Variants in GARNL3 observed in about 807,000 individuals in gnomAD.
GARNL3 encodes GTPase-activating Rap/Ran-GAP domain-like protein 3.
GARNL3 carries 63 observed loss-of-function variants against 125.0 expected under a neutral mutation model. The observed-to-expected ratio is 0.50, with a 90% CI of 0.41 to 0.62. The LOEUF is 0.62. Ranked by LOEUF, GARNL3 falls within the 20% of genes least tolerant of loss-of-function variation. The probability of loss-of-function intolerance (pLI) is 0.00; values close to 1 mark genes in which losing one functional copy is unlikely to be tolerated. For synonymous variants in GARNL3, 439 were observed against 457.5 expected (o/e 0.96, Z 0.52); for missense variants, 994 against 1,244.0 (o/e 0.80, Z 3.02).
intron 17 of GARNL3, 113 bp from the exon 18 acceptor site, chr9:127,353,733 T>G (rs961134904): frequency 1.3e-6 from 1 of 770,432 alleles, no homozygotes; most frequent in African/African-American, 1.7e-5. Context: ...GAAGCTGACT[T>G]CCTTCCTTGC....
rs777906521 is a variant in GARNL3 at position 127,392,912 on chromosome 9, C to A, written c.2871-171C>A. ...CACTCGGCCTTTAATCCTCAAAACCCCCTGAGGTGATGGGGGTGGCATTCC... is the reference window on the plus strand; with the variant it reads ...CACTCGGCCTTTAATCCTCAAAACCACCTGAGGTGATGGGGGTGGCATTCC... On this transcript the variant is annotated intron_variant, in intron 27 of 27. Transcript: ENST00000373387. The surrounding 1 kb of genome is among the most constrained non-coding windows in gnomAD (Gnocchi z 5.2). Among the ~76,000 whole-genome samples, 2 of 152,044 alleles carry A rather than the reference C, an allele frequency of 1.3e-5. No individual in the cohort carries two copies. The highest frequency in any genetic ancestry group is 2.4e-5 in the African/African-American group (1 of 41,410).
At chr9:127,377,355 A>T (rs1452317443) in intron 22 of GARNL3, among the ~76,000 whole-genome samples, 1 of 152,352 alleles carries the variant, frequency 6.6e-6, no homozygotes, top group Non-Finnish European at 1.5e-5. Context: ...GGAAAAAGTA[A>T]ATGTATGCCT....
chr9:127,262,419 G>A (rs1281523179), upstream of GARNL3, among the ~76,000 whole-genome samples: 2 of 152,182 alleles, frequency 1.3e-5, no homozygotes, highest in Non-Finnish European at 2.9e-5. Context: ...TCTCTGTCCA[G>A]CTGGCCAAAG....
chr9:127,393,376 A>T lies in GARNL3; in HGVS notation c.*122A>T, dbSNP rs546786395. The T allele has an allele frequency of 2.1e-5, 17 of 799,514 alleles. No individual in the cohort carries two copies. In the East Asian group the frequency reaches 4.4e-4, roughly 20 times the overall value. 49.5% of individuals were successfully genotyped at this position (799,514 alleles called of 1,614,324 possible). A position where few individuals can be genotyped will look rare whatever the true frequency, so the allele number is the denominator to read the frequency against. ...GCCTGTCAGTGATCTATTGGACCAA[A>T]CCTTCTGCACACTCGGCCAGTTCCC... is the stretch of plus-strand genomic sequence containing the variant. On this transcript the variant is annotated 3_prime_UTR_variant, in exon 28 of 28. Coordinates refer to ENST00000373387, the MANE Select transcript of GARNL3 (RefSeq NM_032293.5).
At position 127,377,107 on chromosome 9, in the gene GARNL3, A is replaced by T. The variant is rs577218407; in HGVS notation, c.2162-6331A>T. ...ATGAGTGATTTGCCAAAAATTTTTTAAAAGATTTGTCATGAAGGATGATTA... is the reference window on the plus strand; with the variant it reads ...ATGAGTGATTTGCCAAAAATTTTTTTAAAGATTTGTCATGAAGGATGATTA... On this transcript the variant is annotated intron_variant, in intron 22 of 27. Transcript: ENST00000373387. Among the ~76,000 whole-genome samples, 235 of 152,368 alleles carry T rather than the reference A, an allele frequency of 1.5e-3. 7 individuals carry two copies. The South Asian group carries it at 0.048, about 31-fold the overall frequency.
At chr9:127,374,491 A>G (rs975255448) in intron 22 of GARNL3, among the ~76,000 whole-genome samples, 1 of 152,232 alleles carries the variant, frequency 6.6e-6, no homozygotes, top group African/African-American at 2.4e-5. Flanking sequence ...AGCATAATCC[A>G]TAAAAGAAAA....
intron 22 of GARNL3, among the ~76,000 whole-genome samples, chr9:127,373,985 G>A (rs780888059): frequency 2.6e-5 from 4 of 150,988 alleles, no homozygotes; most frequent in Non-Finnish European, 4.4e-5. Flanking sequence ...CAGCCTGGGT[G>A]ACAGAGTGAG....
chr9:127,387,743 C>CA (rs59031446), intron 25 of GARNL3, among the ~76,000 whole-genome samples: 3,393 of 57,888 alleles, frequency 0.059, 128 homozygotes, highest in African/African-American at 0.16. Flanking sequence ...ACTCTGTCTA[C>CA]AAAAAAAAAA....
At chr9:127,388,798 C>T in intron 25 of GARNL3, 106 bp from the exon 26 acceptor site, 1 of 734,128 alleles carries the variant, frequency 1.4e-6, no homozygotes, top group Non-Finnish European at 2.4e-6. Flanking sequence ...CAGTGTGTGA[C>T]ATAACGTCTT....
intron 1 of GARNL3, among the ~76,000 whole-genome samples, chr9:127,284,195 A>C (rs1421203651): frequency 6.6e-6 from 1 of 152,166 alleles, no homozygotes; most frequent in Non-Finnish European, 1.5e-5. Flanking sequence ...TCAGTTTTGC[A>C]ACTAGCTTTT....
chr9:127,231,221 A>ATT (rs754935724), intron 1 of GARNL3, among the ~76,000 whole-genome samples: 1,114 of 65,816 alleles, frequency 0.017, 31 homozygotes, highest in African/African-American at 0.036. Flanking sequence ...CGCCCAGCTA[A>ATT]TTTTTTGTTT....
At chr9:127,324,281 T>G (rs999128304) in intron 6 of GARNL3, among the ~76,000 whole-genome samples, 9 of 152,008 alleles carry the variant, frequency 5.9e-5, no homozygotes, top group Non-Finnish European at 7.4e-5. Flanking sequence ...AAGAATAAAA[T>G]AATAAAGATG....
At chr9:127,323,490 C>T (rs918273636) in intron 6 of GARNL3, among the ~76,000 whole-genome samples, 6 of 152,224 alleles carry the variant, frequency 3.9e-5, no homozygotes, top group African/African-American at 1.4e-4. Flanking sequence ...TTCCTTCAGC[C>T]TAGCCCACTG....
chr9:127,237,678 T>C (rs2063137436), intron 1 of GARNL3, among the ~76,000 whole-genome samples: 1 of 152,242 alleles, frequency 6.6e-6, no homozygotes, highest in Non-Finnish European at 1.5e-5. Context: ...GGCATGCCCA[T>C]GTGGGAACCA....
chr9:127,339,613 C>G, intron 12 of GARNL3, 32 bp from the exon 13 acceptor site: 1 of 1,458,134 alleles, frequency 6.9e-7, no homozygotes, highest in Non-Finnish European at 9.6e-7. Flanking sequence ...ATATCAAGTG[C>G]TAATATTAAT....
chr9:127,261,818 T>C (rs1031557612), upstream of GARNL3, among the ~76,000 whole-genome samples: 1 of 152,194 alleles, frequency 6.6e-6, no homozygotes, highest in South Asian at 2.1e-4. Flanking sequence ...AACTGATTTC[T>C]CAAGTCCATG....
intron 2 of GARNL3, among the ~76,000 whole-genome samples, chr9:127,292,350 A>G (rs905362184): frequency 6.6e-6 from 1 of 152,170 alleles, no homozygotes. Flanking sequence ...CCTTAGAAAC[A>G]TCCCTCTCCA....
intron 25 of GARNL3, among the ~76,000 whole-genome samples, 173 bp downstream of exon 25, chr9:127,387,504 A>G (rs1274194061): frequency 1.3e-5 from 2 of 151,902 alleles, no homozygotes; most frequent in Non-Finnish European, 2.9e-5. Context: ...GCACTTTGGG[A>G]AGCTGAGGCG....
At chr9:127,314,254 G>A (rs1415630758) in intron 4 of GARNL3, among the ~76,000 whole-genome samples, 1 of 152,146 alleles carries the variant, frequency 6.6e-6, no homozygotes, top group Non-Finnish European at 1.5e-5. Flanking sequence ...CATTGCCATA[G>A]GCCTGTGTGT....
Sources: gnomAD v4.1 joint callset for allele counts (sites outside exome capture counted in the v4.1 genomes callset) on GRCh38, gnomAD v4.1.1 for gene constraint, Gnocchi (gnomAD v3.1) non-coding constraint, MANE v1.5 for transcripts, NCBI Gene and HGNC (gene_info 2026-07-23, HGNC 2026-07-21) for gene names.